Variants in CLDN10 observed in about 807,000 individuals in gnomAD.
CLDN10 encodes the protein claudin-10.
CLDN10 carries 15 observed loss-of-function variants against 22.9 expected under a neutral mutation model. That is an observed-to-expected ratio of 0.65 (90% CI 0.44 to 1.01). CLDN10 has a LOEUF of 1.01. CLDN10 is among the 50% of genes least tolerant of loss of function. The pLI is 0.00. For missense variants in CLDN10, 247 were observed against 287.8 expected (o/e 0.86, Z 1.03); for synonymous variants, 114 against 111.4 (o/e 1.02, Z -0.15).
At chr13:95,482,478 G>A (rs1394675039) in intron 1 of CLDN10, among the ~76,000 whole-genome samples, 1 of 152,058 alleles carries the variant, frequency 6.6e-6, no homozygotes, top group South Asian at 2.1e-4. Flanking sequence ...ATGTCTTTTG[G>A]GGATAGATGG....
At chr13:95,458,725 C>G (rs762352234) in intron 1 of CLDN10, among the ~76,000 whole-genome samples, 6 of 152,098 alleles carry the variant, frequency 3.9e-5, no homozygotes, top group African/African-American at 7.2e-5. Context: ...GGGACACAGC[C>G]AAACCACATC....
intron 1 of CLDN10, among the ~76,000 whole-genome samples, chr13:95,511,627 CTT>C (rs113267075): frequency 7.2e-6 from 1 of 139,494 alleles, no homozygotes; most frequent in African/African-American, 2.6e-5. Flanking sequence ...ATTCTCTCTC[CTT>C]TTTTTTTTTG....
chr13:95,450,722 G>GA (rs1379759708), intron 1 of CLDN10, among the ~76,000 whole-genome samples: 2 of 152,232 alleles, frequency 1.3e-5, no homozygotes, highest in African/African-American at 4.8e-5. Context: ...ATTCTCCCTG[G>GA]AGGGAGCTTT....
At chr13:95,530,659 A>T (rs1025097196) in intron 1 of CLDN10, among the ~76,000 whole-genome samples, 2 of 152,230 alleles carry the variant, frequency 1.3e-5, no homozygotes, top group Non-Finnish European at 1.5e-5. Context: ...TAGACACTCA[A>T]GGAAAACATC....
chr13:95,543,156 T>A (rs1478483758), intron 1 of CLDN10, among the ~76,000 whole-genome samples: 1 of 152,148 alleles, frequency 6.6e-6, no homozygotes, highest in Non-Finnish European at 1.5e-5. Context: ...TGCTTGAACC[T>A]GGGAGGCAGA....
intron 1 of CLDN10, among the ~76,000 whole-genome samples, chr13:95,469,812 A>G (rs2042613773): frequency 6.6e-6 from 1 of 152,198 alleles, no homozygotes; most frequent in Non-Finnish European, 1.5e-5. Flanking sequence ...ATATTGAGTA[A>G]TTGGCTCTAA....
At chr13:95,481,104 A>G (rs2042742647) in intron 1 of CLDN10, among the ~76,000 whole-genome samples, 1 of 152,234 alleles carries the variant, frequency 6.6e-6, no homozygotes, top group South Asian at 2.1e-4. Flanking sequence ...CTATTGGGCT[A>G]GAATGGACCC....
At chr13:95,495,020 A>T (rs1258214457) in intron 1 of CLDN10, among the ~76,000 whole-genome samples, 2 of 147,792 alleles carry the variant, frequency 1.4e-5, no homozygotes, top group Admixed American at 6.7e-5. Flanking sequence ...TCCTTTCAAT[A>T]TAATTAATTA....
At chr13:95,454,227 GT>G (rs2042460902) in intron 1 of CLDN10, among the ~76,000 whole-genome samples, 2 of 152,132 alleles carry the variant, frequency 1.3e-5, no homozygotes, top group African/African-American at 4.8e-5. Context: ...ATCACCTGAG[GT>G]CAGGAGTTCA....
At chr13:95,495,673 G>A (rs542192937) in intron 1 of CLDN10, among the ~76,000 whole-genome samples, 1 of 150,354 alleles carries the variant, frequency 6.7e-6, no homozygotes, top group South Asian at 2.1e-4. Flanking sequence ...GAACCCGGGA[G>A]GCGGAGCTTG....
intron 1 of CLDN10, among the ~76,000 whole-genome samples, chr13:95,447,935 G>C (rs1322382663): frequency 2.0e-5 from 3 of 152,106 alleles, no homozygotes; most frequent in Admixed American, 1.3e-4. Context: ...CTGCCCTGCG[G>C]GGGTGCAGCT....
chr13:95,512,609 G>C (rs1313793644), intron 1 of CLDN10, among the ~76,000 whole-genome samples: 2 of 152,240 alleles, frequency 1.3e-5, no homozygotes, highest in East Asian at 3.9e-4. Context: ...AATTTCCCAG[G>C]GGCCCAGAGC....
At chr13:95,491,606 C>T (rs1249924688) in intron 1 of CLDN10, among the ~76,000 whole-genome samples, 3 of 152,072 alleles carry the variant, frequency 2.0e-5, no homozygotes, top group African/African-American at 7.2e-5. Flanking sequence ...TTGGGCTTCT[C>T]CTTTCTCTGG....
At chr13:95,527,955 T>G (rs2043302481) in intron 1 of CLDN10, among the ~76,000 whole-genome samples, 1 of 152,186 alleles carries the variant, frequency 6.6e-6, no homozygotes, top group African/African-American at 2.4e-5. Context: ...CCACTAGGAT[T>G]TGTGGCAACC....
At chr13:95,472,448 G>A (rs1468506195) in intron 1 of CLDN10, among the ~76,000 whole-genome samples, 1 of 152,090 alleles carries the variant, frequency 6.6e-6, no homozygotes, top group Non-Finnish European at 1.5e-5. Flanking sequence ...TTGGGAGGCC[G>A]AGGTGGGTAG....
chr13:95,558,540 TG>T (rs1191555763), intron 1 of CLDN10, among the ~76,000 whole-genome samples: 2 of 152,190 alleles, frequency 1.3e-5, no homozygotes, highest in African/African-American at 4.8e-5. Flanking sequence ...GAGTCTAAAG[TG>T]TTTACAATTA....
At chr13:95,454,518 T>C (rs2042463744) in intron 1 of CLDN10, among the ~76,000 whole-genome samples, 1 of 152,070 alleles carries the variant, frequency 6.6e-6, no homozygotes, top group African/African-American at 2.4e-5. Context: ...GAACCACTGG[T>C]GCAGGCTCCC....
At chr13:95,544,960 T>G (rs1003856515) in intron 1 of CLDN10, among the ~76,000 whole-genome samples, 1 of 151,820 alleles carries the variant, frequency 6.6e-6, no homozygotes, top group Non-Finnish European at 1.5e-5. Context: ...GTATTTTTAG[T>G]GAAAACAAGG....
chr13:95,471,941 ATT>A (rs58891166), intron 1 of CLDN10, among the ~76,000 whole-genome samples: 5,850 of 95,648 alleles, frequency 0.061, 456 homozygotes, highest in African/African-American at 0.23. Context: ...ACACTCAGCT[ATT>A]TTTTTTTTTT....
Sources: gnomAD v4.1 joint callset for allele counts (sites outside exome capture counted in the v4.1 genomes callset) on GRCh38, gnomAD v4.1.1 for gene constraint, MANE v1.5 for transcripts, NCBI Gene and HGNC (gene_info 2026-07-23, HGNC 2026-07-21) for gene names.